KSR2: variants seen among roughly 807,000 people sequenced by gnomAD.
The protein encoded by KSR2 is kinase suppressor of ras 2.
KSR2 carries 25 observed loss-of-function variants against 107.8 expected under a neutral mutation model. That is an observed-to-expected ratio of 0.23 (90% CI 0.17 to 0.32). The LOEUF (loss-of-function observed/expected upper bound fraction) is 0.32. Ranked by LOEUF, KSR2 falls within the 10% of genes least tolerant of loss-of-function variation. The probability of loss-of-function intolerance (pLI) is 1.00; values close to 1 mark genes in which losing one functional copy is unlikely to be tolerated. For synonymous variants in KSR2, 480 were observed against 507.0 expected (o/e 0.95, Z 0.71); for missense variants, 887 against 1,268.9 (o/e 0.70, Z 4.57).
intron 3 of KSR2, among the ~76,000 whole-genome samples, chr12:117,836,845 T>C (rs2137139222): frequency 6.6e-6 from 1 of 152,376 alleles, no homozygotes; most frequent in African/African-American, 2.4e-5. Flanking sequence ...AGGGCTCCCA[T>C]GCAGCTGGGG....
intron 14 of KSR2, among the ~76,000 whole-genome samples, chr12:117,490,508 G>T (rs958864789): frequency 2.0e-5 from 3 of 152,178 alleles, no homozygotes; most frequent in Non-Finnish European, 2.9e-5. Context: ...ATCATTGACA[G>T]ATCATAGTTT....
intron 3 of KSR2, among the ~76,000 whole-genome samples, chr12:117,762,715 A>C (rs1368954419): frequency 6.6e-6 from 1 of 151,978 alleles, no homozygotes; most frequent in East Asian, 1.9e-4. Flanking sequence ...AAATACAAAA[A>C]AATTAGCTAG....
intron 1 of KSR2, among the ~76,000 whole-genome samples, chr12:117,947,166 A>AAAAG (rs369965872): frequency 0.11 from 9,776 of 92,198 alleles, 459 homozygotes; most frequent in East Asian, 0.15. Flanking sequence ...ACACTCTGTC[A>AAAAG]AAAGAAAGAA....
chr12:117,857,301 C>T (rs933536066), intron 2 of KSR2, among the ~76,000 whole-genome samples: 1 of 152,076 alleles, frequency 6.6e-6, no homozygotes, highest in Non-Finnish European at 1.5e-5. Context: ...CTCAAGTGAT[C>T]CTCCCACCTC....
At chr12:117,788,383 C>T (rs768846912) in intron 3 of KSR2, among the ~76,000 whole-genome samples, 3 of 152,128 alleles carry the variant, frequency 2.0e-5, no homozygotes, top group Admixed American at 6.5e-5. Context: ...GATATGAGTC[C>T]TGAAAGGAAA....
chr12:117,761,111 G>A lies in KSR2; in HGVS notation c.886C>T (p.Arg296Ter). 1 of 1,613,638 alleles carries A rather than the reference G, an allele frequency of 6.2e-7. No individual in the cohort carries two copies. ...KPPGTPPPSS[R>*]KLIHLIPGFT... ...CCCGGGATCAAGTGTATCAGTTTTC[G>A]GGAGGAGGGCGGTGGGGTCCCCGGG... is the stretch of plus-strand genomic sequence containing the variant. Residue 296 changes from arginine to a stop codon, truncating the protein, a stop_gained, in exon 4 of 20, where the codon CGA becomes TGA. Coordinates refer to ENST00000339824, the MANE Select transcript of KSR2 (RefSeq NM_173598.6). LOFTEE classifies it high-confidence loss of function.
At chr12:117,655,783 G>GA (rs1884126329) in intron 5 of KSR2, among the ~76,000 whole-genome samples, 1 of 152,200 alleles carries the variant, frequency 6.6e-6, no homozygotes, top group Admixed American at 6.5e-5. Flanking sequence ...TGGCTGGGGT[G>GA]AATGACCCAG....
At chr12:117,739,461 A>G (rs758191947) in intron 4 of KSR2, among the ~76,000 whole-genome samples, 3 of 152,180 alleles carry the variant, frequency 2.0e-5, no homozygotes, top group African/African-American at 4.8e-5. Context: ...TTATAATCGT[A>G]GAGACCACCG....
intron 5 of KSR2, among the ~76,000 whole-genome samples, chr12:117,595,596 C>T (rs1351976817): frequency 6.6e-6 from 1 of 152,110 alleles, no homozygotes; most frequent in Non-Finnish European, 1.5e-5. Context: ...ATCTCCTGAC[C>T]TCATGATCCA....
intron 1 of KSR2, among the ~76,000 whole-genome samples, chr12:117,913,101 A>G (rs960662866): frequency 1.3e-5 from 2 of 152,156 alleles, no homozygotes; most frequent in Non-Finnish European, 2.9e-5. Context: ...TAGAAAATCA[A>G]TGGTGTATCC....
Position 117,485,704 on chromosome 12 carries a change from AG to A in KSR2, c.2220-14del, listed in dbSNP as rs753567044. 1.7e-4 allele frequency: 268 copies of A among 1,588,386 alleles called. No individual in the cohort carries two copies. Among genetic ancestry groups the A allele is most frequent in the Non-Finnish European group, 2.1e-4 (241 of 1,157,192 alleles). ...TCCCTTACAGAGGCTGAAAAGCAAA[AG>A]GACAAGATAAATTAATGGCAGTCGT... On this transcript the variant is annotated splice_polypyrimidine_tract_variant and intron_variant, in intron 14 of 19. Coordinates refer to ENST00000339824, the MANE Select transcript of KSR2 (RefSeq NM_173598.6).
At chr12:117,638,731 A>C (rs1002074096) in intron 5 of KSR2, among the ~76,000 whole-genome samples, 1 of 152,094 alleles carries the variant, frequency 6.6e-6, no homozygotes, top group Non-Finnish European at 1.5e-5. Flanking sequence ...GGCTTCCAGG[A>C]GCTTGTGATA....
intron 4 of KSR2, among the ~76,000 whole-genome samples, chr12:117,716,279 A>G (rs998917368): frequency 2.6e-5 from 4 of 152,216 alleles, no homozygotes; most frequent in African/African-American, 9.6e-5. Flanking sequence ...AAATGAATGA[A>G]TTGAAACCCA....
chr12:117,802,440 T>C (rs4766880), intron 3 of KSR2, among the ~76,000 whole-genome samples: 51,006 of 152,070 alleles, frequency 0.34, 9,316 homozygotes, highest in Admixed American at 0.5. Flanking sequence ...TACTCACAGG[T>C]CACACGTTCA....
chr12:117,623,931 G>A (rs1230566917), intron 5 of KSR2, among the ~76,000 whole-genome samples: 1 of 152,180 alleles, frequency 6.6e-6, no homozygotes, highest in Non-Finnish European at 1.5e-5. Context: ...TCTAACTGGT[G>A]TGAGATGGTA....
At chr12:117,517,816 A>C (rs1391414878) in intron 14 of KSR2, 1 of 455,886 alleles carries the variant, frequency 2.2e-6, no homozygotes, top group East Asian at 6.9e-5. Flanking sequence ...CAGGCCCCCC[A>C]ACTCCTGTAC....
intron 1 of KSR2, among the ~76,000 whole-genome samples, chr12:117,930,797 C>A (rs1895673428): frequency 6.6e-6 from 1 of 151,996 alleles, no homozygotes; most frequent in South Asian, 2.1e-4. Context: ...GCCTGTAGTC[C>A]CAGCTACTTG....
chr12:117,636,326 A>C (rs1252951844), intron 5 of KSR2, among the ~76,000 whole-genome samples: 2 of 140,632 alleles, frequency 1.4e-5, no homozygotes, highest in East Asian at 4.1e-4. Flanking sequence ...AATTAAAATA[A>C]ATCTTATGTA....
intron 1 of KSR2, among the ~76,000 whole-genome samples, chr12:117,928,150 G>A (rs2137486390): frequency 6.7e-6 from 1 of 150,070 alleles, no homozygotes; most frequent in Admixed American, 6.7e-5. Flanking sequence ...TCCATGTTGT[G>A]TAGCATGTGT....
Sources: allele counts gnomAD v4.1 joint callset (sites outside exome capture counted in the v4.1 genomes callset), GRCh38; gene constraint gnomAD v4.1.1; transcripts MANE v1.5; gene names NCBI Gene and HGNC (gene_info 2026-07-23, HGNC 2026-07-21).